The following NCKAP5 variants were observed in gnomAD, a reference collection of about 807,000 sequenced individuals.
NCKAP5 encodes the protein nck-associated protein 5.
A neutral mutation model predicts 167.0 loss-of-function variants in NCKAP5; 92 were observed. The ratio of observed to expected loss-of-function variants is 0.55; its 90% CI spans 0.47 to 0.66. The LOEUF (loss-of-function observed/expected upper bound fraction) is 0.66, where lower values mean the gene tolerates loss of function less well. NCKAP5 is among the 30% of genes least tolerant of loss of function. The pLI is 0.00. For missense variants in NCKAP5, 2,378 were observed against 2,315.0 expected (o/e 1.03, Z -0.56); for synonymous variants, 891 against 877.4 (o/e 1.02, Z -0.27).
intron 3 of NCKAP5, among the ~76,000 whole-genome samples, chr2:133,468,784 T>C (rs1436990436): frequency 2.0e-5 from 3 of 152,240 alleles, no homozygotes; most frequent in Non-Finnish European, 4.4e-5. Flanking sequence ...TTGTCTCTTT[T>C]GATCTTTGTT....
At chr2:133,590,403 G>A in the NCKAP5 span, among the ~76,000 whole-genome samples, 1 of 151,770 alleles carries the variant, frequency 6.6e-6, no homozygotes, top group Non-Finnish European at 1.5e-5. Context: ...GCGGGCACCT[G>A]TAGTCAGCTA....
At chr2:133,144,423 T>C (rs990034683) in intron 5 of NCKAP5, among the ~76,000 whole-genome samples, 2 of 152,074 alleles carry the variant, frequency 1.3e-5, no homozygotes, top group African/African-American at 4.8e-5. Flanking sequence ...AATAATCAAT[T>C]CTAATCATTC....
At chr2:133,254,635 T>C (rs904287890) in intron 4 of NCKAP5, among the ~76,000 whole-genome samples, 13 of 152,174 alleles carry the variant, frequency 8.5e-5, no homozygotes, top group African/African-American at 2.9e-4. Context: ...GTCCTTCACA[T>C]ACATAATCTA....
intron 16 of NCKAP5, among the ~76,000 whole-genome samples, chr2:132,735,935 C>T (rs1558989264): frequency 6.6e-6 from 1 of 152,058 alleles, no homozygotes; most frequent in Non-Finnish European, 1.5e-5. Context: ...GCATCAGTCC[C>T]CTTAAATTAT....
intron 6 of NCKAP5, among the ~76,000 whole-genome samples, chr2:133,009,540 T>G (rs1181887975): frequency 6.6e-6 from 1 of 152,202 alleles, no homozygotes; most frequent in Non-Finnish European, 1.5e-5. Context: ...GTAATATGAA[T>G]AATTGTTTCC....
chr2:133,182,424 G>C lies in NCKAP5; in HGVS notation c.207+31292C>G, dbSNP rs4954034. On this transcript the variant is annotated intron_variant, in intron 5 of 19. Transcript: ENST00000409261. Reference sequence around the variant, plus strand: ...AAATATTAAAAATTTGAAATCATACGGACTGTGTTCTCCAACCACAATGGG... The same window carrying C: ...AAATATTAAAAATTTGAAATCATACCGACTGTGTTCTCCAACCACAATGGG... 4.9e-3 allele frequency among the ~76,000 whole-genome samples: 746 copies of C among 152,008 alleles called. 14 individuals carry two copies. Among genetic ancestry groups the C allele is most frequent in the African/African-American group, 0.017 (705 of 41,506 alleles).
At chr2:133,270,998 C>T (rs907929678) in intron 4 of NCKAP5, among the ~76,000 whole-genome samples, 4 of 148,066 alleles carry the variant, frequency 2.7e-5, no homozygotes, top group Non-Finnish European at 5.9e-5. Context: ...CAGCTGAGTG[C>T]AAGCTCTGCC....
chr2:132,963,921 A>C (rs779473247), intron 7 of NCKAP5, 52 bp from the exon 8 acceptor site: 2 of 1,599,772 alleles, frequency 1.3e-6, no homozygotes, highest in Non-Finnish European at 1.7e-6. Context: ...AAAAATAAGC[A>C]TGAGTGTGAG....
chr2:132,718,346 C>T (rs868681514), intron 19 of NCKAP5, among the ~76,000 whole-genome samples: 4 of 152,224 alleles, frequency 2.6e-5, no homozygotes, highest in Middle Eastern at 3.2e-3. Flanking sequence ...ATTGGAAGAG[C>T]GAAAGTTTTC....
At chr2:132,893,573 A>G (rs1242527969) in intron 8 of NCKAP5, among the ~76,000 whole-genome samples, 5 of 152,224 alleles carry the variant, frequency 3.3e-5, no homozygotes, top group African/African-American at 1.2e-4. Flanking sequence ...ATCTTCCAAC[A>G]TGATTCTACA....
chr2:133,617,389 T>A, the NCKAP5 span, among the ~76,000 whole-genome samples: 2 of 150,098 alleles, frequency 1.3e-5, no homozygotes, highest in East Asian at 3.9e-4. Flanking sequence ...GACATGATTG[T>A]ATATCTAGAA....
chr2:133,671,900 T>C, the NCKAP5 span, among the ~76,000 whole-genome samples: 1 of 152,200 alleles, frequency 6.6e-6, no homozygotes, highest in African/African-American at 2.4e-5. Context: ...CAAGATTTTA[T>C]ATGCCTGCTC....
intron 3 of NCKAP5, among the ~76,000 whole-genome samples, chr2:133,386,609 C>T (rs1479702216): frequency 6.6e-6 from 1 of 152,128 alleles, no homozygotes; most frequent in Non-Finnish European, 1.5e-5. Flanking sequence ...TCCTTATTAA[C>T]TTTCTGTCTC....
rs376244078 is a variant in NCKAP5, at chr2:132,790,596, A to G, written c.910-391T>C. Among the ~76,000 whole-genome samples, 9 of 152,278 alleles carry G rather than the reference A, an allele frequency of 5.9e-5. No individual in the cohort carries two copies. The South Asian group carries it at 1.2e-3, about 21-fold the overall frequency. On this transcript the variant is annotated intron_variant, in intron 12 of 19. Coordinates refer to ENST00000409261, the MANE Select transcript of NCKAP5 (RefSeq NM_207363.3). ...TTTGGCTCCATCACAAAGTTAAAAA[A>G]TCCTGTCGAACTACCCTAAGCTGCA...
At chr2:133,616,486 CAG>C in the NCKAP5 span, among the ~76,000 whole-genome samples, 25 of 151,106 alleles carry the variant, frequency 1.7e-4, no homozygotes, top group African/African-American at 5.8e-4. Flanking sequence ...ACCGATCCCA[CAG>C]AAATACAAAC....
chr2:133,107,225 G>T (rs1275173530), intron 6 of NCKAP5, among the ~76,000 whole-genome samples: 1 of 152,126 alleles, frequency 6.6e-6, no homozygotes, highest in Non-Finnish European at 1.5e-5. Flanking sequence ...CTACCTCCTT[G>T]TCATCATCTA....
At chr2:133,217,899 A>G (rs1488864415) in intron 4 of NCKAP5, among the ~76,000 whole-genome samples, 3 of 152,128 alleles carry the variant, frequency 2.0e-5, no homozygotes, top group African/African-American at 7.2e-5. Flanking sequence ...TTTTTTACAT[A>G]CATTCTAAAA....
intron 8 of NCKAP5, among the ~76,000 whole-genome samples, chr2:132,960,145 AGT>A (rs2076468504): frequency 6.6e-6 from 1 of 152,118 alleles, no homozygotes; most frequent in Non-Finnish European, 1.5e-5. Context: ...AAAGAGAGAG[AGT>A]GTGTATAATT....
At chr2:133,420,662 AAAT>A (rs987487946) in intron 3 of NCKAP5, among the ~76,000 whole-genome samples, 2 of 152,192 alleles carry the variant, frequency 1.3e-5, no homozygotes, top group African/African-American at 4.8e-5. Context: ...AGGAAAAGGG[AAAT>A]AATATTTTTG....
Sources: allele counts gnomAD v4.1 joint callset (sites outside exome capture counted in the v4.1 genomes callset), GRCh38; gene constraint gnomAD v4.1.1; transcripts MANE v1.5; gene names NCBI Gene and HGNC (gene_info 2026-07-23, HGNC 2026-07-21).